NOS1AP: variants seen among roughly 807,000 people sequenced by gnomAD.
The protein encoded by NOS1AP is nitric oxide synthase 1 adaptor protein, also known as carboxyl-terminal PDZ ligand of neuronal nitric oxide synthase protein.
In NOS1AP, 21 loss-of-function variants were observed where a neutral mutation model predicts 56.2. The ratio of observed to expected loss-of-function variants is 0.37; its 90% CI spans 0.26 to 0.54. NOS1AP has a LOEUF of 0.54. NOS1AP is among the 20% of genes least tolerant of loss of function. NOS1AP has a pLI of 0.84. For synonymous variants in NOS1AP, 270 were observed against 274.6 expected, an observed-to-expected ratio of 0.98 and a Z score of 0.17; for missense variants, 522 against 657.8, an observed-to-expected ratio of 0.79 and a Z score of 2.26.
intron 1 of NOS1AP, among the ~76,000 whole-genome samples, chr1:162,082,619 G>A (rs1047909985): frequency 4.6e-5 from 7 of 152,004 alleles, no homozygotes; most frequent in Non-Finnish European, 7.4e-5. Context: ...TGACTTTTTA[G>A]TAATACCCCT....
intron 4 of NOS1AP, among the ~76,000 whole-genome samples, chr1:162,327,488 T>A (rs2101788631): frequency 6.6e-6 from 1 of 152,330 alleles, no homozygotes; most frequent in Non-Finnish European, 1.5e-5. Flanking sequence ...AGTGAATTTG[T>A]CATTGCTCCT....
At chr1:162,337,756 G>T (rs1201548802) in intron 5 of NOS1AP, among the ~76,000 whole-genome samples, 1 of 152,152 alleles carries the variant, frequency 6.6e-6, no homozygotes, top group Non-Finnish European at 1.5e-5. Context: ...TGTCAATGTA[G>T]AAAATCACAC....
intron 5 of NOS1AP, among the ~76,000 whole-genome samples, chr1:162,342,084 A>G (rs1192865003): frequency 6.6e-6 from 1 of 152,238 alleles, no homozygotes; most frequent in South Asian, 2.1e-4. Flanking sequence ...CTGTGGACAC[A>G]GGAGGAAATT....
chr1:162,168,033 T>C (rs924100277), intron 2 of NOS1AP, among the ~76,000 whole-genome samples: 9 of 150,168 alleles, frequency 6.0e-5, no homozygotes, highest in African/African-American at 2.2e-4. Flanking sequence ...AAATAGCAAG[T>C]CTACATTGAT....
intron 2 of NOS1AP, among the ~76,000 whole-genome samples, chr1:162,184,119 C>T (rs7517534): frequency 0.44 from 66,750 of 151,966 alleles, 18,114 homozygotes; most frequent in Non-Finnish European, 0.61. Flanking sequence ...TATTAATTGG[C>T]CTAATTTCAA....
At chr1:162,213,976 C>G (rs111582499) in intron 2 of NOS1AP, among the ~76,000 whole-genome samples, 7 of 152,276 alleles carry the variant, frequency 4.6e-5, no homozygotes, top group African/African-American at 1.7e-4. Context: ...TATTTAAGAC[C>G]TAAAATCCAG....
At chr1:162,129,066 A>C (rs1020458042) in intron 1 of NOS1AP, among the ~76,000 whole-genome samples, 2 of 151,932 alleles carry the variant, frequency 1.3e-5, no homozygotes, top group African/African-American at 4.8e-5. Context: ...TAAATGCATC[A>C]GTTTTTTTTT....
At chr1:162,148,212 G>A (rs903947647) in intron 1 of NOS1AP, among the ~76,000 whole-genome samples, 3 of 152,248 alleles carry the variant, frequency 2.0e-5, no homozygotes, top group Admixed American at 1.3e-4. Flanking sequence ...CTCCTCAGAG[G>A]AGAGATTCTC....
chr1:162,181,528 A>G (rs1239197865), intron 2 of NOS1AP, among the ~76,000 whole-genome samples: 1 of 152,246 alleles, frequency 6.6e-6, no homozygotes, highest in Non-Finnish European at 1.5e-5. Context: ...ATTTTGAAAG[A>G]TTAATTCTGT....
rs755422748 is a variant in NOS1AP at position 162,343,961 on chromosome 1, A to G, written c.580A>G (p.Ser194Gly). 1 of 1,614,000 alleles carries G rather than the reference A, an allele frequency of 6.2e-7. No individual in the cohort carries two copies. Among genetic ancestry groups the G allele is most frequent in the East Asian group, 2.2e-5 (1 of 44,878 alleles). The change falls in exon 6 of 10, where the codon AGC (serine) becomes GGC (glycine). Residue 194 changes from serine (S) to glycine (G), a missense_variant. By Grantham distance (56) the Ser-to-Gly change is moderately conservative. Coordinates refer to ENST00000361897, the MANE Select transcript of NOS1AP (RefSeq NM_014697.3). Reference sequence around the variant, plus strand: ...TGGAGAGAGCGAGAGGAACAGCAACAGCTCAGGAGACCCAGGTAGGCACTG... The same window carrying G: ...TGGAGAGAGCGAGAGGAACAGCAACGGCTCAGGAGACCCAGGTAGGCACTG... ...EDGESERNSNSSGDPGRQLTG... is the reference protein window; with the variant it reads ...EDGESERNSNGSGDPGRQLTG...
intron 1 of NOS1AP, among the ~76,000 whole-genome samples, chr1:162,077,099 A>G (rs1390984235): frequency 1.3e-5 from 2 of 152,154 alleles, no homozygotes; most frequent in African/African-American, 4.8e-5. Flanking sequence ...TTTAAAATTT[A>G]TCTTGGGTAA....
intron 3 of NOS1AP, among the ~76,000 whole-genome samples, chr1:162,297,442 G>A (rs1015675717): frequency 1.4e-4 from 22 of 152,200 alleles, no homozygotes; most frequent in African/African-American, 4.6e-4. Context: ...TAACGGGACC[G>A]TGGTCAGTTG....
At chr1:162,334,335 C>G (rs1208746258) in intron 5 of NOS1AP, among the ~76,000 whole-genome samples, 1 of 152,084 alleles carries the variant, frequency 6.6e-6, no homozygotes, top group Non-Finnish European at 1.5e-5. Context: ...ACTTGCCAGA[C>G]TTCACATCTA....
Position 162,240,391 on chromosome 1 carries a change from G to C in NOS1AP, c.178-46953G>C, listed in dbSNP as rs1653455055. 2.0e-5 allele frequency among the ~76,000 whole-genome samples: 3 copies of C among 152,198 alleles called. No homozygotes were observed. In the South Asian group the frequency reaches 6.2e-4, roughly 32 times the overall value. ...CATTCAGTGCCTTCTGAACGGTTCA[G>C]GGAAATATTTTTGGCTTATACATTC... On this transcript the variant is annotated intron_variant, in intron 2 of 9. Coordinates refer to ENST00000361897, the MANE Select transcript of NOS1AP (RefSeq NM_014697.3).
chr1:162,210,548 C>T lies in NOS1AP; in HGVS notation c.177+56072C>T, dbSNP rs573350877. On this transcript the variant is annotated intron_variant, in intron 2 of 9. Coordinates refer to ENST00000361897, the MANE Select transcript of NOS1AP (RefSeq NM_014697.3). ...CGAGCTCTCTGAGGCCAGCATCTTT[C>T]TGTGAAGTCCTTGCTTTCCATGACA... 2.6e-5 allele frequency among the ~76,000 whole-genome samples: 4 copies of T among 152,310 alleles called. No homozygotes were observed. The East Asian group carries it at 7.7e-4, about 29-fold the overall frequency.
intron 1 of NOS1AP, among the ~76,000 whole-genome samples, chr1:162,073,588 G>T (rs1691706576): frequency 6.6e-6 from 1 of 152,152 alleles, no homozygotes; most frequent in Admixed American, 6.5e-5. Flanking sequence ...AGCCTCCTGG[G>T]TAGCTGGGAT....
intron 1 of NOS1AP, among the ~76,000 whole-genome samples, chr1:162,093,936 T>C (rs1692185424): frequency 6.6e-6 from 1 of 152,212 alleles, no homozygotes; most frequent in Admixed American, 6.5e-5. Flanking sequence ...TTTTCCGTCC[T>C]CTAGGACTTA....
At chr1:162,366,519 A>G (rs1658091380) in intron 9 of NOS1AP, among the ~76,000 whole-genome samples, 1 of 152,078 alleles carries the variant, frequency 6.6e-6, no homozygotes, top group African/African-American at 2.4e-5. Context: ...AGCTCTTTTA[A>G]AAATGCGTCT....
chr1:162,215,905 T>C (rs1398008673), intron 2 of NOS1AP, among the ~76,000 whole-genome samples: 1 of 152,234 alleles, frequency 6.6e-6, no homozygotes, highest in Non-Finnish European at 1.5e-5. Flanking sequence ...TTTTGGAGAA[T>C]TTCCATCAGA....
Sources: gnomAD v4.1 joint callset for allele counts (sites outside exome capture counted in the v4.1 genomes callset) on GRCh38, gnomAD v4.1.1 for gene constraint, MANE v1.5 for transcripts, NCBI Gene and HGNC (gene_info 2026-07-23, HGNC 2026-07-21) for gene names.